The following NEDD9 variants were observed in gnomAD, a reference collection of about 807,000 sequenced individuals.
NEDD9 encodes enhancer of filamentation 1.
A neutral mutation model predicts 76.6 loss-of-function variants in NEDD9; 26 were observed. The observed-to-expected ratio is 0.34, with a 90% CI of 0.25 to 0.47. The LOEUF (loss-of-function observed/expected upper bound fraction) is 0.47, where lower values mean the gene tolerates loss of function less well. Ranked by LOEUF, NEDD9 falls within the 20% of genes least tolerant of loss-of-function variation. NEDD9 has a pLI of 1.00. For missense variants in NEDD9, 937 were observed against 1,058.5 expected, an observed-to-expected ratio of 0.89 and a Z score of 1.59; for synonymous variants, 392 against 414.2, an observed-to-expected ratio of 0.95 and a Z score of 0.65.
intron 1 of NEDD9, among the ~76,000 whole-genome samples, chr6:11,360,202 A>T (rs778641045): frequency 6.6e-6 from 1 of 152,248 alleles, no homozygotes; most frequent in Non-Finnish European, 1.5e-5. Context: ...TTAAAGAGTG[A>T]TCAAGCAAAA....
chr6:11,188,349 T>C, intron 5 of NEDD9, 42 bp from the exon 6 acceptor site: 3 of 1,455,886 alleles, frequency 2.1e-6, no homozygotes, highest in Non-Finnish European at 2.9e-6. Flanking sequence ...GTCATCACTG[T>C]GATTCACTTA....
At chr6:11,245,488 C>T (rs919116209) in intron 3 of NEDD9, among the ~76,000 whole-genome samples, 4 of 152,196 alleles carry the variant, frequency 2.6e-5, no homozygotes, top group African/African-American at 7.2e-5. Context: ...ATTTCATTCA[C>T]CCATCCACCA....
chr6:11,377,495 TA>T (rs1762987586), intron 1 of NEDD9, among the ~76,000 whole-genome samples: 1 of 152,244 alleles, frequency 6.6e-6, no homozygotes, highest in East Asian at 1.9e-4. Flanking sequence ...ACTACCCTGC[TA>T]GGTTTCAGAT....
At chr6:11,271,173 C>T (rs6905101) in intron 3 of NEDD9, among the ~76,000 whole-genome samples, 20,388 of 152,160 alleles carry the variant, frequency 0.13, 1,731 homozygotes, top group African/African-American at 0.23. Context: ...GTTGGCACCA[C>T]AGTTGCCACC....
At chr6:11,240,701 A>G (rs1006687844) in intron 3 of NEDD9, among the ~76,000 whole-genome samples, 3 of 152,248 alleles carry the variant, frequency 2.0e-5, no homozygotes, top group Admixed American at 2.0e-4. Context: ...GGTGTTAAAT[A>G]AATTCACTCG....
At chr6:11,325,943 C>T (rs554165172) in intron 2 of NEDD9, among the ~76,000 whole-genome samples, 1 of 152,052 alleles carries the variant, frequency 6.6e-6, no homozygotes, top group Non-Finnish European at 1.5e-5. Context: ...GCCAGGAGTT[C>T]GAGATCAGTC....
intron 2 of NEDD9, among the ~76,000 whole-genome samples, chr6:11,212,896 C>T (rs1421073751): frequency 6.6e-6 from 1 of 152,188 alleles, no homozygotes. Context: ...GTTGCATCAT[C>T]AGGCTTGTAC....
intron 1 of NEDD9, among the ~76,000 whole-genome samples, chr6:11,337,916 T>C (rs960615515): frequency 5.9e-5 from 9 of 152,220 alleles, no homozygotes; most frequent in African/African-American, 2.2e-4. Context: ...GTGTATTCAC[T>C]TTATACATCT....
At chr6:11,330,236 A>G (rs139834850) in intron 2 of NEDD9, among the ~76,000 whole-genome samples, 30 of 152,328 alleles carry the variant, frequency 2.0e-4, no homozygotes, top group Non-Finnish European at 3.5e-4. Flanking sequence ...CCACTGGTTT[A>G]TGACTGAGAA....
intron 3 of NEDD9, among the ~76,000 whole-genome samples, chr6:11,299,842 CTCCA>C (rs1436569232): frequency 6.6e-6 from 1 of 152,210 alleles, no homozygotes; most frequent in Non-Finnish European, 1.5e-5. Flanking sequence ...CACACCGAAA[CTCCA>C]TCTGTAGGTC....
At chr6:11,338,686 G>A (rs532149785) in intron 1 of NEDD9, among the ~76,000 whole-genome samples, 61 of 152,182 alleles carry the variant, frequency 4.0e-4, no homozygotes, top group African/African-American at 1.5e-3. Flanking sequence ...CACTTTGGGA[G>A]GCCAAGGCAG....
chr6:11,305,239 T>C (rs1761151602), intron 3 of NEDD9: 5 of 828,368 alleles, frequency 6.0e-6, no homozygotes, highest in Non-Finnish European at 8.4e-6. Flanking sequence ...AGTTACTCTA[T>C]GTGCATTTTC....
intron 1 of NEDD9, among the ~76,000 whole-genome samples, chr6:11,377,395 G>C (rs906626731): frequency 1.3e-5 from 2 of 152,268 alleles, no homozygotes; most frequent in Non-Finnish European, 2.9e-5. Flanking sequence ...AGCTGCTCAA[G>C]GCCTTAGGAG....
intron 1 of NEDD9, among the ~76,000 whole-genome samples, chr6:11,371,116 A>AT (rs1452453364): frequency 6.6e-6 from 1 of 152,116 alleles, no homozygotes; most frequent in Admixed American, 6.5e-5. Flanking sequence ...AAAAAAGACT[A>AT]TTTTTTAGAG....
intron 3 of NEDD9, among the ~76,000 whole-genome samples, chr6:11,255,978 G>A (rs1272863324): frequency 2.6e-5 from 4 of 152,078 alleles, no homozygotes; most frequent in Admixed American, 6.5e-5. Flanking sequence ...TGCTACGGAG[G>A]AATACAGGAG....
At chr6:11,242,110 A>G (rs1267166252) in intron 3 of NEDD9, among the ~76,000 whole-genome samples, 2 of 152,212 alleles carry the variant, frequency 1.3e-5, no homozygotes, top group Non-Finnish European at 2.9e-5. Flanking sequence ...TAAAGACACC[A>G]GTGTCCACCC....
At chr6:11,257,672 G>A (rs1581986596) in intron 3 of NEDD9, among the ~76,000 whole-genome samples, 1 of 152,244 alleles carries the variant, frequency 6.6e-6, no homozygotes, top group South Asian at 2.1e-4. Context: ...TTCCAATGCA[G>A]CAGAAGAGCC....
At chr6:11,219,365 C>G (rs1759074813) in intron 1 of NEDD9, among the ~76,000 whole-genome samples, 1 of 152,204 alleles carries the variant, frequency 6.6e-6, no homozygotes, top group African/African-American at 2.4e-5. Context: ...GTGTATCACC[C>G]CACTAAGACT....
intron 1 of NEDD9, among the ~76,000 whole-genome samples, chr6:11,366,341 AAAGAAAGAAAGAAATG>A (rs1013354081): frequency 2.0e-5 from 3 of 149,046 alleles, no homozygotes; most frequent in Non-Finnish European, 4.5e-5. Context: ...AGACAGAGAG[AAAGAAAGAAAGAAATG>A]AAGAAAGAAA....
Sources: allele counts gnomAD v4.1 joint callset (sites outside exome capture counted in the v4.1 genomes callset), GRCh38; gene constraint gnomAD v4.1.1; transcripts MANE v1.5; gene names NCBI Gene and HGNC (gene_info 2026-07-23, HGNC 2026-07-21).